Variants in SULF2 observed in about 807,000 individuals in gnomAD.
The protein encoded by SULF2 is sulfatase 2.
Under a neutral mutation model 107.7 loss-of-function variants are expected in SULF2, and 52 were observed. The observed-to-expected ratio is 0.48, with a 90% CI of 0.39 to 0.61. The LOEUF is 0.61. Ranked by LOEUF, SULF2 falls within the 20% of genes least tolerant of loss-of-function variation. The probability of loss-of-function intolerance (pLI) is 0.00; values close to 1 mark genes in which losing one functional copy is unlikely to be tolerated. For synonymous variants in SULF2, 460 were observed against 464.3 expected (o/e 0.99, Z 0.12); for missense variants, 993 against 1,177.3 (o/e 0.84, Z 2.29).
In SULF2 at chr20:47,665,741, C is replaced by A. The variant is rs948241256; in HGVS notation, c.1902+116G>T. 4 of 827,154 alleles carry A rather than the reference C, an allele frequency of 4.8e-6. No homozygotes were observed. The African/African-American group carries it at 5.0e-5, about 10-fold the overall frequency. 51.2% of individuals were successfully genotyped at this position (827,154 alleles called of 1,614,324 possible). A position where few individuals can be genotyped will look rare whatever the true frequency, so the allele number is the denominator to read the frequency against. On this transcript the variant is annotated intron_variant, in intron 13 of 20. Transcript: ENST00000688720. ...CGTTGAGGAATCTGTGGGGACCTCA[C>A]TTCACCTCTCCAGCCTCTTCCCTGG...
intron 1 of SULF2, among the ~76,000 whole-genome samples, chr20:47,760,093 C>T (rs967660472): frequency 3.3e-5 from 5 of 152,308 alleles, no homozygotes; most frequent in South Asian, 2.1e-4. Flanking sequence ...GGCTCAGAGG[C>T]GTCCATCACT....
intron 3 of SULF2, chr20:47,706,951 T>C (rs1433461224): frequency 1.3e-5 from 2 of 152,154 alleles, no homozygotes; most frequent in African/African-American, 2.4e-5. Context: ...CATAAATCGG[T>C]ATTCCCATTT....
chr20:47,751,098 T>C (rs542945194), intron 2 of SULF2, among the ~76,000 whole-genome samples: 1 of 152,358 alleles, frequency 6.6e-6, no homozygotes, highest in Non-Finnish European at 1.5e-5. Flanking sequence ...ATGTAAGCTC[T>C]GTTTAGTTTG....
At chr20:47,732,640 G>A (rs1226475337) in intron 3 of SULF2, among the ~76,000 whole-genome samples, 1 of 152,122 alleles carries the variant, frequency 6.6e-6, no homozygotes, top group Non-Finnish European at 1.5e-5. Context: ...TCAGGAGTTC[G>A]AGGTCAGCCT....
intron 1 of SULF2, among the ~76,000 whole-genome samples, chr20:47,758,994 G>A (rs924494771): frequency 3.9e-5 from 6 of 152,216 alleles, no homozygotes. Context: ...AAGGTGGCCT[G>A]AGGGGTCTCC....
At chr20:47,757,777 C>T (rs374756960) in intron 1 of SULF2, among the ~76,000 whole-genome samples, 8 of 152,226 alleles carry the variant, frequency 5.3e-5, no homozygotes, top group East Asian at 3.9e-4. Flanking sequence ...AATAATCCAC[C>T]CAACTCCACA....
chr20:47,755,456 T>A (rs2090259100), intron 2 of SULF2, among the ~76,000 whole-genome samples: 1 of 152,230 alleles, frequency 6.6e-6, no homozygotes, highest in Non-Finnish European at 1.5e-5. Context: ...CAAAAATGTG[T>A]TGTTCCTAAG....
chr20:47,740,485 G>T (rs1435568158), intron 2 of SULF2, among the ~76,000 whole-genome samples: 1 of 152,114 alleles, frequency 6.6e-6, no homozygotes, highest in African/African-American at 2.4e-5. Context: ...GTGGCCCAGG[G>T]TCACATCACC....
upstream of SULF2, chr20:47,785,849 A>ACGCGCGG (rs1322891690): frequency 1.3e-5 from 2 of 150,650 alleles, no homozygotes; most frequent in African/African-American, 2.4e-5. Flanking sequence ...GGCCTGGGGG[A>ACGCGCGG]CGCGCGGCCC....
rs1162080693 is a variant in SULF2, at chr20:47,666,618, G to T, written c.1577-130C>A. The T allele has an allele frequency of 4.1e-6, 3 of 733,394 alleles. No homozygotes were observed. In the African/African-American group the frequency reaches 5.3e-5, roughly 13 times the overall value. The allele number at this position is 733,394 out of a possible 1,614,324, so 45.4% of individuals were successfully genotyped here. A position where few individuals can be genotyped will look rare whatever the true frequency, so the allele number is the denominator to read the frequency against. ...AGGCTCAGCTTTGCCTGCGACTCGA[G>T]GGGTCGTGGAATCTACCCGCCTGCT... is the stretch of plus-strand genomic sequence containing the variant. On this transcript the variant is annotated intron_variant, in intron 11 of 20. Transcript: ENST00000688720. The surrounding 1 kb of genome is among the most constrained non-coding windows in gnomAD (Gnocchi z 5.4).
chr20:47,664,990 G>A (rs2087212721), intron 14 of SULF2, among the ~76,000 whole-genome samples: 1 of 152,244 alleles, frequency 6.6e-6, no homozygotes. Context: ...TAGCAGTACT[G>A]GAATCTGGGC....
rs1336372359 is a variant in SULF2 at position 47,663,616 on chromosome 20, G to C, written c.2064C>G (p.Gly688=). 6.3e-7 allele frequency: 1 copy of C among 1,587,938 alleles called. No individual in the cohort carries two copies. The highest frequency in any genetic ancestry group is 1.1e-5 in the South Asian group (1 of 87,018). The change falls in exon 16 of 21, where the codon GGC becomes GGG. Residue 688 remains glycine, a synonymous_variant. Coordinates refer to ENST00000688720, the MANE Select transcript of SULF2 (RefSeq NM_001387048.1). ...RGSSLHPFRK[G]LQEKDKVWLL... ...GCCACACCTTGTCCTTCTCTTGCAGGCCCTTCCTATGGGCGCAGAGGGCCA... is the reference window on the plus strand; with the variant it reads ...GCCACACCTTGTCCTTCTCTTGCAGCCCCTTCCTATGGGCGCAGAGGGCCA...
rs199660759 is a variant in SULF2 at position 47,731,185 on chromosome 20, C to CTT, written c.415+5517_415+5518insAA. Among the ~76,000 whole-genome samples, 288 of 93,258 alleles carry CTT rather than the reference C, an allele frequency of 3.1e-3. 6 individuals are homozygous for CTT. The highest frequency in any genetic ancestry group is 3.9e-3 in the African/African-American group (67 of 17,314). The allele number at this position is 93,258 out of a possible 152,430, so 61.2% of individuals were successfully genotyped here. The stretch of plus-strand genomic sequence containing the variant: ...TCTGCCTGCTACTCACCTGTATCTT[C>CTT]TCTTTTTTTTTTTTTTTTTTTTTTT... On this transcript the variant is annotated intron_variant, in intron 3 of 20. Coordinates refer to ENST00000688720, the MANE Select transcript of SULF2 (RefSeq NM_001387048.1).
intron 18 of SULF2, among the ~76,000 whole-genome samples, 192 bp from the exon 19 acceptor site, chr20:47,659,922 A>C (rs951892760): frequency 6.6e-6 from 1 of 152,222 alleles, no homozygotes; most frequent in Admixed American, 6.5e-5. Context: ...TCTCCTAGAT[A>C]GCCTTGTAGA....
intron 1 of SULF2, among the ~76,000 whole-genome samples, chr20:47,765,698 T>C (rs1244433454): frequency 1.3e-5 from 2 of 152,190 alleles, no homozygotes; most frequent in African/African-American, 4.8e-5. Context: ...ACAACAGTAA[T>C]CCACTCTTCC....
intron 10 of SULF2, among the ~76,000 whole-genome samples, chr20:47,674,361 A>G (rs762369512): frequency 6.6e-6 from 1 of 152,174 alleles, no homozygotes; most frequent in African/African-American, 2.4e-5. Context: ...CTGGGTTCAA[A>G]TCCTGCCTCC....
At chr20:47,725,310 A>G (rs1013294868) in intron 3 of SULF2, among the ~76,000 whole-genome samples, 1 of 152,230 alleles carries the variant, frequency 6.6e-6, no homozygotes, top group African/African-American at 2.4e-5. Context: ...GTATTTACAT[A>G]TAAAATAGAC....
chr20:47,657,519 A>AAAT lies in SULF2; in HGVS notation c.*840_*842dup, dbSNP rs1311696679. On this transcript the variant is annotated 3_prime_UTR_variant, in exon 21 of 21. Coordinates refer to ENST00000688720, the MANE Select transcript of SULF2 (RefSeq NM_001387048.1). Reference sequence around the variant, plus strand: ...ACTTAAACTACAAAATTTTTTTTACAAATACAGTTTCATCAAAACTTGGGA... The same window carrying AAAT: ...ACTTAAACTACAAAATTTTTTTTACAAATAATACAGTTTCATCAAAACTTGGGA... 4 of 152,176 alleles carry AAAT rather than the reference A, an allele frequency of 2.6e-5. No homozygotes were observed. In the East Asian group the frequency reaches 5.8e-4, roughly 22 times the overall value. 9.4% of individuals were successfully genotyped at this position (152,176 alleles called of 1,614,324 possible).
At position 47,757,232 on chromosome 20, in the gene SULF2, G is replaced by A; in HGVS notation, c.132C>T (p.Pro44=). 1 of 1,565,538 alleles carries A rather than the reference G, an allele frequency of 6.4e-7. No individual in the cohort carries two copies. Among genetic ancestry groups the A allele is most frequent in the East Asian group, 2.4e-5 (1 of 41,968 alleles). The change falls in exon 2 of 21, where the codon CCC becomes CCT. Residue 44 remains proline, a synonymous_variant. Transcript: ENST00000688720. ...RFQRDRRNIR[P]NIILVLTDDQ... is the part of the protein sequence containing the mutation. ...CGTCCGTCAGCACCAGGATGATGTT[G>A]GGGCGGATGTTCCTGCGGTCCCTCT...
Sources: gnomAD v4.1 joint callset for allele counts (sites outside exome capture counted in the v4.1 genomes callset) on GRCh38, gnomAD v4.1.1 for gene constraint, Gnocchi (gnomAD v3.1) non-coding constraint, MANE v1.5 for transcripts, NCBI Gene and HGNC (gene_info 2026-07-23, HGNC 2026-07-21) for gene names.